The following MAGI2 variants were observed in gnomAD, a reference collection of about 807,000 sequenced individuals.
MAGI2 encodes membrane-associated guanylate kinase, WW and PDZ domain-containing protein 2.
A neutral mutation model predicts 133.3 loss-of-function variants in MAGI2; 35 were observed. The observed-to-expected ratio is 0.26, with a 90% CI of 0.20 to 0.35. MAGI2 has a LOEUF of 0.35. Ranked by LOEUF, MAGI2 falls within the 10% of genes least tolerant of loss-of-function variation. The pLI, the probability that MAGI2 is intolerant of heterozygous loss-of-function variation, is 1.00. For missense variants in MAGI2, 1,636 were observed against 1,863.4 expected (o/e 0.88, Z 2.25); for synonymous variants, 729 against 710.6 (o/e 1.03, Z -0.41).
At chr7:78,409,203 A>G (rs1270783537) in intron 6 of MAGI2, among the ~76,000 whole-genome samples, 3 of 152,098 alleles carry the variant, frequency 2.0e-5, no homozygotes, top group Non-Finnish European at 2.9e-5. Flanking sequence ...TATAGGTATC[A>G]TGAGGACTAG....
intron 2 of MAGI2, among the ~76,000 whole-genome samples, chr7:78,834,514 G>GTC (rs1344092971): frequency 6.6e-6 from 1 of 152,108 alleles, no homozygotes; most frequent in Admixed American, 6.5e-5. Context: ...GCATGTATCA[G>GTC]TTTTTCATTC....
At chr7:78,953,416 T>A (rs1802031362) in intron 2 of MAGI2, among the ~76,000 whole-genome samples, 1 of 152,106 alleles carries the variant, frequency 6.6e-6, no homozygotes, top group Non-Finnish European at 1.5e-5. Context: ...GGAAATAAAG[T>A]TTCTGTGTGT....
intron 2 of MAGI2, among the ~76,000 whole-genome samples, chr7:78,754,529 T>C (rs1823766440): frequency 6.6e-6 from 1 of 152,194 alleles, no homozygotes; most frequent in African/African-American, 2.4e-5. Flanking sequence ...AAAATGATTT[T>C]GCAGAGTATA....
intron 2 of MAGI2, among the ~76,000 whole-genome samples, chr7:78,811,320 A>T (rs1236096672): frequency 1.3e-5 from 2 of 152,000 alleles, no homozygotes; most frequent in Non-Finnish European, 2.9e-5. Context: ...CACTTAGAGG[A>T]CCTAAGAAGA....
intron 1 of MAGI2, among the ~76,000 whole-genome samples, chr7:79,163,581 T>C: frequency 6.6e-6 from 1 of 152,056 alleles, no homozygotes; most frequent in Non-Finnish European, 1.5e-5. Flanking sequence ...AGAGATTAAA[T>C]TTGTTGAATT....
chr7:79,190,465 GTTTA>G (rs1827554336), intron 1 of MAGI2, among the ~76,000 whole-genome samples: 2 of 151,584 alleles, frequency 1.3e-5, no homozygotes, highest in African/African-American at 4.9e-5. Context: ...TTTTAAACTG[GTTTA>G]TTTGTTTTAT....
At chr7:78,272,594 TAA>T (rs923199330) in intron 9 of MAGI2, among the ~76,000 whole-genome samples, 4 of 152,202 alleles carry the variant, frequency 2.6e-5, no homozygotes, top group African/African-American at 9.7e-5. Context: ...TCTAGGTCTC[TAA>T]GAACTTGCTT....
intron 1 of MAGI2, among the ~76,000 whole-genome samples, chr7:79,383,392 A>C (rs1478262380): frequency 4.6e-5 from 7 of 151,608 alleles, no homozygotes; most frequent in Non-Finnish European, 1.0e-4. Flanking sequence ...AAAGTTTAGG[A>C]AGGGTTCAGT....
At chr7:78,274,553 C>T (rs1056288152) in intron 9 of MAGI2, among the ~76,000 whole-genome samples, 3 of 152,144 alleles carry the variant, frequency 2.0e-5, no homozygotes, top group Non-Finnish European at 2.9e-5. Flanking sequence ...CCCCTTCCCC[C>T]AAGTGCTCTG....
chr7:79,221,039 G>A (rs1401632526), intron 1 of MAGI2, among the ~76,000 whole-genome samples: 1 of 151,924 alleles, frequency 6.6e-6, no homozygotes, highest in African/African-American at 2.4e-5. Context: ...GCAATACCAC[G>A]TGCACCTGAT....
At chr7:78,119,295 C>T (rs1161435300) in intron 20 of MAGI2, among the ~76,000 whole-genome samples, 1 of 152,134 alleles carries the variant, frequency 6.6e-6, no homozygotes, top group Non-Finnish European at 1.5e-5. Context: ...GGCAGTGGCT[C>T]ACGCCTGTAA....
intron 3 of MAGI2, among the ~76,000 whole-genome samples, chr7:78,575,201 C>T (rs1004790950): frequency 6.6e-5 from 10 of 152,074 alleles, no homozygotes; most frequent in African/African-American, 2.4e-4. Context: ...CTATCACTAT[C>T]ATTCCATTTA....
In MAGI2 at chr7:78,140,675, T is replaced by C. The variant is rs1029938452; in HGVS notation, c.2846-5469A>G. Among the ~76,000 whole-genome samples the C allele has an allele frequency of 7.9e-5, 12 of 152,362 alleles. 1 individual carries two copies. The highest frequency in any genetic ancestry group is 5.9e-4 in the Admixed American group (9 of 15,314). On this transcript the variant is annotated intron_variant, in intron 16 of 21. Coordinates refer to ENST00000354212, the MANE Select transcript of MAGI2 (RefSeq NM_012301.4). ...AAAAGTTGGATAATTCCAGTTGCTTTTCTTTCAATAATATACGTGAAAATT... is the reference window on the plus strand; with the variant it reads ...AAAAGTTGGATAATTCCAGTTGCTTCTCTTTCAATAATATACGTGAAAATT...
intron 6 of MAGI2, among the ~76,000 whole-genome samples, chr7:78,421,835 C>A (rs1185593869): frequency 6.6e-6 from 1 of 152,014 alleles, no homozygotes; most frequent in Non-Finnish European, 1.5e-5. Flanking sequence ...AAAAACATCA[C>A]AGAGGTCATA....
At chr7:78,742,952 T>A (rs922471106) in intron 2 of MAGI2, among the ~76,000 whole-genome samples, 1 of 152,178 alleles carries the variant, frequency 6.6e-6, no homozygotes, top group Non-Finnish European at 1.5e-5. Flanking sequence ...TAACACAACA[T>A]GCAGACAAAG....
intron 9 of MAGI2, among the ~76,000 whole-genome samples, chr7:78,298,762 C>G (rs1797549742): frequency 6.6e-6 from 1 of 151,806 alleles, no homozygotes; most frequent in Non-Finnish European, 1.5e-5. Context: ...ACCTTGGCCT[C>G]CCAAAGTGTT....
chr7:78,504,822 A>G (rs1794942545), intron 4 of MAGI2, among the ~76,000 whole-genome samples: 1 of 152,268 alleles, frequency 6.6e-6, no homozygotes, highest in South Asian at 2.1e-4. Context: ...AGTGTTTGTC[A>G]TTACCATGGA....
chr7:79,446,000 G>A (rs891129396), intron 1 of MAGI2, among the ~76,000 whole-genome samples: 1 of 152,182 alleles, frequency 6.6e-6, no homozygotes, highest in South Asian at 2.1e-4. Context: ...AAAAGGATGA[G>A]TTCATGTCCT....
At chr7:79,124,428 G>T (rs1379210906) in intron 1 of MAGI2, among the ~76,000 whole-genome samples, 3 of 152,268 alleles carry the variant, frequency 2.0e-5, no homozygotes, top group Non-Finnish European at 4.4e-5. Flanking sequence ...GATTTGAAAA[G>T]GTAGTTATTT....
Sources: gnomAD v4.1 joint callset for allele counts (sites outside exome capture counted in the v4.1 genomes callset) on GRCh38, gnomAD v4.1.1 for gene constraint, MANE v1.5 for transcripts, NCBI Gene and HGNC (gene_info 2026-07-23, HGNC 2026-07-21) for gene names.